VPS26A: variants seen among roughly 807,000 people sequenced by gnomAD.
The protein encoded by VPS26A is VPS26 retromer complex component A, also known as vacuolar protein sorting-associated protein 26A.
In VPS26A, 22 loss-of-function variants were observed where a neutral mutation model predicts 42.4. The ratio of observed to expected loss-of-function variants is 0.52; its 90% confidence interval spans 0.37 to 0.74. The LOEUF (loss-of-function observed/expected upper bound fraction) is 0.74. VPS26A is among the 30% of genes least tolerant of loss of function. The probability of loss-of-function intolerance (pLI) is 0.00; values close to 1 mark genes in which losing one functional copy is unlikely to be tolerated. For missense variants in VPS26A, 276 were observed against 379.2 expected, an observed-to-expected ratio of 0.73 and a Z score of 2.26; for synonymous variants, 110 against 123.5, an observed-to-expected ratio of 0.89 and a Z score of 0.73.
chr10:69,146,402 T>A (rs1313708639), intron 2 of VPS26A, among the ~76,000 whole-genome samples: 2 of 152,176 alleles, frequency 1.3e-5, no homozygotes, highest in African/African-American at 2.4e-5. Flanking sequence ...AATTCTTTTT[T>A]AAAAAAATTG....
chr10:69,138,702 T>C (rs1840974448), intron 2 of VPS26A, among the ~76,000 whole-genome samples: 1 of 152,216 alleles, frequency 6.6e-6, no homozygotes, highest in Non-Finnish European at 1.5e-5. Flanking sequence ...AGGAATCATA[T>C]TGTCATTTCC....
intron 7 of VPS26A, among the ~76,000 whole-genome samples, chr10:69,166,731 T>C (rs796326484): frequency 2.6e-5 from 4 of 152,366 alleles, no homozygotes; most frequent in African/African-American, 9.6e-5. Flanking sequence ...TCTTGTGTTA[T>C]GCAACATTAC....
intron 1 of VPS26A, among the ~76,000 whole-genome samples, chr10:69,129,475 A>G (rs1303475864): frequency 6.6e-6 from 1 of 152,106 alleles, no homozygotes; most frequent in Non-Finnish European, 1.5e-5. Context: ...GATTAAAATT[A>G]GTTTTCTGGT....
At chr10:69,147,707 A>AT (rs1259499447) in intron 2 of VPS26A, among the ~76,000 whole-genome samples, 2 of 151,742 alleles carry the variant, frequency 1.3e-5, no homozygotes, top group African/African-American at 4.8e-5. Context: ...GTGGCATTTT[A>AT]TTTTTTATTT....
chr10:69,168,169 G>C (rs1366023187), intron 7 of VPS26A, among the ~76,000 whole-genome samples: 3 of 152,194 alleles, frequency 2.0e-5, no homozygotes, highest in Non-Finnish European at 4.4e-5. Context: ...TTCTCGTCTA[G>C]GGGCAACTTC....
chr10:69,174,217 G>A lies in VPS26A; in HGVS notation c.*2948G>A, dbSNP rs1025157745. Among the ~76,000 whole-genome samples, 1 of 151,528 alleles carries A rather than the reference G, an allele frequency of 6.6e-6. No individual in the cohort carries two copies. The highest frequency in any genetic ancestry group is 6.6e-5 in the Admixed American group (1 of 15,208). ...ACTCAAGGCGAAGGTCCACGGCTCC[G>A]TTAAGTCAGCGAGACCGCAAACCCA... On this transcript the variant is annotated 3_prime_UTR_variant, in exon 9 of 9. Transcript: ENST00000263559.
rs10998611 is a variant in VPS26A, at chr10:69,158,470, C to T, written c.551+259C>T. Reference sequence around the variant, plus strand: ...TCACCATCTCAGAAGGCAGCCAGTCCTTCTGAGGATACAATTTATCTTACT... The same window carrying T: ...TCACCATCTCAGAAGGCAGCCAGTCTTTCTGAGGATACAATTTATCTTACT... On this transcript the variant is annotated intron_variant, in intron 5 of 8. Transcript: ENST00000263559. Among the ~76,000 whole-genome samples, 361 of 152,134 alleles carry T rather than the reference C, an allele frequency of 2.4e-3. 4 individuals are homozygous for T. Among genetic ancestry groups the T allele is most frequent in the African/African-American group, 8.2e-3 (342 of 41,524 alleles).
intron 7 of VPS26A, among the ~76,000 whole-genome samples, chr10:69,167,439 A>G (rs1029313723): frequency 6.9e-6 from 1 of 145,126 alleles, no homozygotes; most frequent in African/African-American, 2.6e-5. Flanking sequence ...AAAGAAAAAG[A>G]AAAAGAAAAA....
At chr10:69,168,222 C>T (rs898273763) in intron 7 of VPS26A, among the ~76,000 whole-genome samples, 7 of 152,166 alleles carry the variant, frequency 4.6e-5, no homozygotes, top group Admixed American at 3.9e-4. Flanking sequence ...ATATTTTTGG[C>T]TGTTACATTT....
chr10:69,141,209 G>A (rs1400373852), intron 2 of VPS26A, among the ~76,000 whole-genome samples: 1 of 152,212 alleles, frequency 6.6e-6, no homozygotes, highest in Non-Finnish European at 1.5e-5. Flanking sequence ...ATCATTTATA[G>A]TAGCCAGAAT....
intron 6 of VPS26A, among the ~76,000 whole-genome samples, chr10:69,164,223 CT>C (rs756313883): frequency 1.2e-3 from 177 of 144,344 alleles, no homozygotes; most frequent in Admixed American, 1.4e-3. Context: ...CCCCCTCCAC[CT>C]TTTTTTTTTT....
At chr10:69,169,797 C>T (rs1404297867) in intron 8 of VPS26A, among the ~76,000 whole-genome samples, 3 of 151,898 alleles carry the variant, frequency 2.0e-5, no homozygotes, top group East Asian at 3.9e-4. Flanking sequence ...TTAGTAGAGA[C>T]TGGGTTTCAC....
At chr10:69,157,220 T>G in intron 4 of VPS26A, 57 bp downstream of exon 4, 1 of 1,508,244 alleles carries the variant, frequency 6.6e-7, no homozygotes, top group Admixed American at 2.2e-5. Flanking sequence ...TAATGACTAC[T>G]GTTGATATCT....
intron 1 of VPS26A, among the ~76,000 whole-genome samples, chr10:69,132,634 G>C (rs1840810188): frequency 6.6e-6 from 1 of 151,870 alleles, no homozygotes; most frequent in Non-Finnish European, 1.5e-5. Flanking sequence ...GTAGAGACAG[G>C]GTTTCATCAT....
At chr10:69,144,742 T>C (rs1181239025) in intron 2 of VPS26A, among the ~76,000 whole-genome samples, 2 of 152,042 alleles carry the variant, frequency 1.3e-5, no homozygotes, top group Non-Finnish European at 2.9e-5. Context: ...TTTTCTCTTA[T>C]TGATGTGTAG....
chr10:69,151,282 A>AAAAAAAAACAAAAAACAAAAAACACAC (rs71035063), intron 2 of VPS26A, among the ~76,000 whole-genome samples: 15 of 136,826 alleles, frequency 1.1e-4, no homozygotes, highest in African/African-American at 5.0e-4. Flanking sequence ...AAAAAAAAAA[A>AAAAAAAAACAAAAAACAAAAAACACAC]ACACACACAC....
chr10:69,161,227 C>A (rs1841555148), intron 5 of VPS26A, among the ~76,000 whole-genome samples: 1 of 151,970 alleles, frequency 6.6e-6, no homozygotes, highest in Admixed American at 6.6e-5. Flanking sequence ...TTTTGCACCA[C>A]CCAGCTAATT....
At chr10:69,149,745 T>TG (rs1841253999) in intron 2 of VPS26A, among the ~76,000 whole-genome samples, 8 of 44,294 alleles carry the variant, frequency 1.8e-4, no homozygotes, top group African/African-American at 3.4e-4. Flanking sequence ...TTTTTTTTTT[T>TG]TTTTTTTTTT....
At chr10:69,146,239 T>C (rs1251459608) in intron 2 of VPS26A, among the ~76,000 whole-genome samples, 1 of 152,058 alleles carries the variant, frequency 6.6e-6, no homozygotes, top group Non-Finnish European at 1.5e-5. Context: ...GGATTACAGG[T>C]GCCTGCCACC....
Sources: gnomAD v4.1 joint callset for allele counts (sites outside exome capture counted in the v4.1 genomes callset) on GRCh38, gnomAD v4.1.1 for gene constraint, MANE v1.5 for transcripts, NCBI Gene and HGNC (gene_info 2026-07-23, HGNC 2026-07-21) for gene names.